Variants in DPP10 observed in about 807,000 individuals in gnomAD.
DPP10 encodes dipeptidyl peptidase like 10, also known as inactive dipeptidyl peptidase 10.
In DPP10, 33 loss-of-function variants were observed where a neutral mutation model predicts 120.9. The observed-to-expected ratio is 0.27, with a 90% confidence interval of 0.21 to 0.37. DPP10 has a LOEUF of 0.37. Among genes scored for constraint, DPP10 ranks in the 10% least tolerant of loss-of-function variants. The pLI is 1.00. For missense variants in DPP10, 816 were observed against 942.8 expected (o/e 0.87, Z 1.76); for synonymous variants, 337 against 326.1 (o/e 1.03, Z -0.36).
chr2:115,784,258 A>G (rs540436183), intron 17 of DPP10, among the ~76,000 whole-genome samples: 11 of 152,212 alleles, frequency 7.2e-5, no homozygotes, highest in Non-Finnish European at 1.2e-4. Context: ...CTTTGGGTCA[A>G]TGAAAGCAAA....
rs34673352 is a variant in DPP10, at chr2:115,766,286, A to ATGTGTGTGTGTG, written c.1114-1997_1114-1986dup. Among the ~76,000 whole-genome samples, 641 of 69,990 alleles carry ATGTGTGTGTGTG rather than the reference A, an allele frequency of 9.2e-3. 10 individuals are homozygous for ATGTGTGTGTGTG. Among genetic ancestry groups the ATGTGTGTGTGTG allele is most frequent in the South Asian group, 0.021 (31 of 1,470 alleles). 45.9% of individuals were successfully genotyped at this position (69,990 alleles called of 152,430 possible). ...ATGAACAAAAATACTCATTATATAT[A>ATGTGTGTGTGTG]TGTGTGTGTGTGTGTGTGTGTGTGT... On this transcript the variant is annotated intron_variant, in intron 12 of 25. Transcript: ENST00000410059.
In DPP10 at chr2:115,508,834, C is replaced by T. The variant is rs1321744912; in HGVS notation, c.366+9230C>T. ...AGGAGAATTGCTTGAACTTGGGAGG[C>T]GGAGGTTGCAGTGAGCTGAGATAGC... On this transcript the variant is annotated intron_variant, in intron 4 of 25. Transcript: ENST00000410059. 9.9e-5 allele frequency among the ~76,000 whole-genome samples: 15 copies of T among 152,192 alleles called. No individual in the cohort carries two copies. The East Asian group carries it at 2.1e-3, about 22-fold the overall frequency.
At chr2:115,383,419 G>A (rs2066581865) in intron 3 of DPP10, among the ~76,000 whole-genome samples, 1 of 152,194 alleles carries the variant, frequency 6.6e-6, no homozygotes, top group Non-Finnish European at 1.5e-5. Flanking sequence ...AACTGTGCAT[G>A]CATTAAACCT....
chr2:114,628,465 T>G (rs577331668), intron 1 of DPP10, among the ~76,000 whole-genome samples: 3 of 152,304 alleles, frequency 2.0e-5, no homozygotes, highest in Non-Finnish European at 4.4e-5. Context: ...AATATTATTT[T>G]ATTTAAAATT....
At position 115,689,690 on chromosome 2, in the gene DPP10, T is replaced by G; in HGVS notation, c.445T>G (p.Phe149Val). ...VLLAYDVKQI[F>V]HYSYTASYVI... Reference sequence around the variant, plus strand: ...AATGTTTCTTTTTTAATTTCAGATTTTTCATTATTCGTATACTGCTTCATA... The same window carrying G: ...AATGTTTCTTTTTTAATTTCAGATTGTTCATTATTCGTATACTGCTTCATA... The change falls in exon 6 of 26, where the codon TTT becomes GTT. Residue 149 changes from phenylalanine (F) to valine (V), a missense_variant. Around this residue, in one of 3 missense-constraint regions of DPP10, gnomAD observed 182 missense variants for 207.4 expected, o/e 0.88. Transcript: ENST00000410059. 1 of 1,538,246 alleles carries G rather than the reference T, an allele frequency of 6.5e-7. No individual in the cohort carries two copies. Among genetic ancestry groups the G allele is most frequent in the Non-Finnish European group, 8.9e-7 (1 of 1,127,772 alleles).
intron 5 of DPP10, among the ~76,000 whole-genome samples, chr2:115,675,339 A>G (rs909627109): frequency 3.9e-5 from 6 of 152,148 alleles, no homozygotes; most frequent in Non-Finnish European, 8.8e-5. Context: ...GACCAATATA[A>G]ATGGATGCTT....
chr2:115,618,797 G>A (rs960442661), intron 5 of DPP10, among the ~76,000 whole-genome samples: 19 of 151,948 alleles, frequency 1.3e-4, no homozygotes, highest in South Asian at 4.1e-4. Context: ...CCTAAATTCC[G>A]TGCCATCGAT....
intron 4 of DPP10, among the ~76,000 whole-genome samples, chr2:115,517,465 G>A (rs1296629643): frequency 6.6e-6 from 1 of 152,066 alleles, no homozygotes; most frequent in Non-Finnish European, 1.5e-5. Flanking sequence ...AGAGGCATCA[G>A]GTAGTCCATG....
intron 1 of DPP10, among the ~76,000 whole-genome samples, chr2:115,267,102 T>C (rs1010540998): frequency 6.6e-6 from 1 of 152,196 alleles, no homozygotes; most frequent in Non-Finnish European, 1.5e-5. Flanking sequence ...CTCTAGAGTC[T>C]AGAAAGATGC....
chr2:115,815,038 G>A (rs748690262), intron 20 of DPP10, 51 bp downstream of exon 20: 3 of 1,503,254 alleles, frequency 2.0e-6, no homozygotes, highest in East Asian at 2.3e-5. Flanking sequence ...ACAGAGTCTT[G>A]GTATATGACA....
intron 3 of DPP10, among the ~76,000 whole-genome samples, chr2:115,383,588 A>G (rs2066605881): frequency 6.6e-6 from 1 of 152,202 alleles, no homozygotes; most frequent in Non-Finnish European, 1.5e-5. Flanking sequence ...AGACTTTGCT[A>G]AGCTAGTCTT....
At chr2:114,800,779 T>A (rs1684124942) in intron 1 of DPP10, among the ~76,000 whole-genome samples, 1 of 152,150 alleles carries the variant, frequency 6.6e-6, no homozygotes, top group Admixed American at 6.5e-5. Flanking sequence ...CCATCAGAAT[T>A]TGAACCCAGG....
intron 3 of DPP10, among the ~76,000 whole-genome samples, chr2:115,446,883 TAA>T (rs1443925482): frequency 6.6e-6 from 1 of 152,166 alleles, no homozygotes; most frequent in Admixed American, 6.5e-5. Context: ...TGCTTGTTGT[TAA>T]AAGAGAAGTG....
At position 115,122,042 on chromosome 2, in the gene DPP10, GGA is replaced by G. The variant is rs368287611; in HGVS notation, c.61-187192_61-187191del. On this transcript the variant is annotated intron_variant, in intron 1 of 25. Coordinates refer to ENST00000410059, the MANE Select transcript of DPP10 (RefSeq NM_020868.6). ...TAACTATATGTGCAGAAAGAACAAA[GGA>G]GAGAAGAAAATGAAGACATCCTTTC... Among the ~76,000 whole-genome samples the G allele has an allele frequency of 5.9e-3, 896 of 152,222 alleles. 8 individuals are homozygous for G. The highest frequency in any genetic ancestry group is 0.021 in the African/African-American group (853 of 41,534).
rs540571410 is a variant in DPP10, at chr2:115,516,470, A to G, written c.367-9428A>G. On this transcript the variant is annotated intron_variant, in intron 4 of 25. Coordinates refer to ENST00000410059, the MANE Select transcript of DPP10 (RefSeq NM_020868.6). The stretch of plus-strand genomic sequence containing the variant: ...CAAATAAACAGGAAACAGCAAATCA[A>G]TCTATTATTAGGAGTCCCGAACAGG... Among the ~76,000 whole-genome samples the G allele has an allele frequency of 3.4e-3, 483 of 143,598 alleles. 3 individuals carry two copies. Among genetic ancestry groups the G allele is most frequent in the African/African-American group, 0.011 (458 of 41,262 alleles). 94.2% of individuals were successfully genotyped at this position (143,598 alleles called of 152,430 possible).
intron 25 of DPP10, 23 bp downstream of exon 25, chr2:115,840,846 C>T: frequency 2.5e-6 from 4 of 1,597,460 alleles, no homozygotes; most frequent in Non-Finnish European, 2.6e-6. Flanking sequence ...CTTAGAAGAA[C>T]GTGTTTTCCT....
intron 1 of DPP10, among the ~76,000 whole-genome samples, chr2:114,773,222 G>A (rs576295264): frequency 7.9e-5 from 12 of 152,276 alleles, no homozygotes; most frequent in Non-Finnish European, 1.5e-4. Context: ...GGGAACAGCA[G>A]ACTGACTAAA....
chr2:115,178,311 G>A (rs2053843487), intron 1 of DPP10, among the ~76,000 whole-genome samples: 2 of 152,052 alleles, frequency 1.3e-5, no homozygotes, highest in African/African-American at 2.4e-5. Context: ...GGACTCTAGG[G>A]GCAGACAATC....
intron 5 of DPP10, among the ~76,000 whole-genome samples, chr2:115,532,724 G>A (rs2078543892): frequency 6.6e-6 from 1 of 151,832 alleles, no homozygotes; most frequent in Non-Finnish European, 1.5e-5. Flanking sequence ...GCATTCCAAA[G>A]TATGGCAAAT....
Sources: allele counts gnomAD v4.1 joint callset (sites outside exome capture counted in the v4.1 genomes callset), GRCh38; gene constraint gnomAD v4.1.1; regional missense constraint gnomAD v4.1.1; transcripts MANE v1.5; gene names NCBI Gene and HGNC (gene_info 2026-07-23, HGNC 2026-07-21).